The following PCDH15 variants were observed in gnomAD, a reference collection of about 807,000 sequenced individuals.
PCDH15 encodes protocadherin related 15.
In PCDH15, 129 loss-of-function variants were observed where a neutral mutation model predicts 178.5. The ratio of observed to expected loss-of-function variants is 0.72; its 90% CI spans 0.63 to 0.84. The LOEUF (loss-of-function observed/expected upper bound fraction) is 0.84, where lower values mean the gene tolerates loss of function less well. Ranked by LOEUF, PCDH15 falls within the 40% of genes least tolerant of loss-of-function variation. The pLI is 0.00. For missense variants in PCDH15, 2,230 were observed against 2,099.9 expected, an observed-to-expected ratio of 1.06 and a Z score of -1.21; for synonymous variants, 800 against 732.0, an observed-to-expected ratio of 1.09 and a Z score of -1.50.
At chr10:54,835,667 C>T (rs950899992) in intron 3 of PCDH15, among the ~76,000 whole-genome samples, 1 of 152,026 alleles carries the variant, frequency 6.6e-6, no homozygotes. Flanking sequence ...TCACATAGCT[C>T]CTGTCCAATT....
intron 26 of PCDH15, 145 bp downstream of exon 26, chr10:53,903,098 A>T: frequency 1.2e-6 from 1 of 819,292 alleles, no homozygotes; most frequent in Non-Finnish European, 1.9e-6. Context: ...TATTGAGTTT[A>T]GATAACTAAA....
At chr10:54,778,380 C>A (rs992294338) in intron 1 of PCDH15, among the ~76,000 whole-genome samples, 3 of 152,086 alleles carry the variant, frequency 2.0e-5, no homozygotes, top group African/African-American at 7.2e-5. Context: ...TTCACACAAT[C>A]CATCAATAGT....
chr10:55,167,942 A>T (rs1040599641), intron 1 of PCDH15, among the ~76,000 whole-genome samples: 8 of 152,296 alleles, frequency 5.3e-5, no homozygotes, highest in Admixed American at 4.6e-4. Context: ...TTAAAATTTT[A>T]AAATACTTTC....
chr10:55,280,362 T>C (rs1336314518), intron 1 of PCDH15, among the ~76,000 whole-genome samples: 3 of 132,116 alleles, frequency 2.3e-5, no homozygotes, highest in African/African-American at 8.6e-5. Flanking sequence ...CACTGCAACC[T>C]CCGCCTCCCG....
chr10:53,850,266 A>G (rs2078272358), intron 28 of PCDH15, among the ~76,000 whole-genome samples: 1 of 152,180 alleles, frequency 6.6e-6, no homozygotes, highest in South Asian at 2.1e-4. Flanking sequence ...TGCTTTTTCT[A>G]CATTTCAAAG....
chr10:54,136,583 A>G (rs1199081649), intron 14 of PCDH15, among the ~76,000 whole-genome samples: 2 of 152,164 alleles, frequency 1.3e-5, no homozygotes, highest in African/African-American at 2.4e-5. Flanking sequence ...TACACTTATT[A>G]TACTTTTTGT....
At chr10:54,721,586 A>G (rs1941617150) in intron 1 of PCDH15, among the ~76,000 whole-genome samples, 2 of 151,804 alleles carry the variant, frequency 1.3e-5, no homozygotes, top group Non-Finnish European at 3.0e-5. Flanking sequence ...AGAGACTACT[A>G]TGAACACCTT....
At chr10:54,198,723 G>C (rs1044794174) in intron 10 of PCDH15, among the ~76,000 whole-genome samples, 1 of 94,904 alleles carries the variant, frequency 1.1e-5, no homozygotes, top group African/African-American at 8.8e-5. Flanking sequence ...GGATGGTCTC[G>C]ATCTCCTGAC....
At chr10:54,272,124 T>C (rs941413469) in intron 8 of PCDH15, among the ~76,000 whole-genome samples, 1 of 148,028 alleles carries the variant, frequency 6.8e-6, no homozygotes, top group Non-Finnish European at 1.5e-5. Context: ...GGGTATAAAT[T>C]CACCTAGTAT....
intron 3 of PCDH15, among the ~76,000 whole-genome samples, chr10:54,851,690 C>T (rs1196584356): frequency 6.6e-6 from 1 of 152,064 alleles, no homozygotes. Context: ...TGCATCCTGA[C>T]TTCAAGCAAT....
Position 54,209,839 on chromosome 10 carries a change from A to T in PCDH15, c.1098+4097T>A, listed in dbSNP as rs140136309. Among the ~76,000 whole-genome samples, 924 of 152,200 alleles carry T rather than the reference A, an allele frequency of 6.1e-3. 9 individuals are homozygous for T. The highest frequency in any genetic ancestry group is 0.018 in the African/African-American group (760 of 41,560). On this transcript the variant is annotated intron_variant, in intron 10 of 37. Coordinates refer to ENST00000644397, the MANE Select transcript of PCDH15 (RefSeq NM_001384140.1). The stretch of plus-strand genomic sequence containing the variant: ...TTAAATTTCTATGAAGTAAAATATG[A>T]TTTTTATCATTACTCAAATAGTGAC...
At chr10:54,190,414 A>C (rs2048884019) in intron 11 of PCDH15, among the ~76,000 whole-genome samples, 1 of 152,070 alleles carries the variant, frequency 6.6e-6, no homozygotes, top group South Asian at 2.1e-4. Flanking sequence ...ATTTTGTTTC[A>C]TTTTGTTGAA....
intron 2 of PCDH15, among the ~76,000 whole-genome samples, chr10:54,960,748 A>T (rs916916423): frequency 7.9e-5 from 12 of 152,210 alleles, no homozygotes; most frequent in Non-Finnish European, 1.5e-4. Context: ...GCTTTTTTAT[A>T]AGCTTTGCTC....
intron 2 of PCDH15, among the ~76,000 whole-genome samples, chr10:55,623,438 G>C (rs558831919): frequency 6.6e-6 from 1 of 152,124 alleles, no homozygotes; most frequent in African/African-American, 2.4e-5. Context: ...ATCCTGTTAA[G>C]GAATCCATTA....
chr10:53,844,915 C>A (rs928969849), intron 28 of PCDH15, among the ~76,000 whole-genome samples: 1 of 151,646 alleles, frequency 6.6e-6, no homozygotes, highest in Admixed American at 6.6e-5. Flanking sequence ...TTTTACACAG[C>A]AAATGAAACA....
chr10:55,333,165 C>T (rs1222600792), intron 2 of PCDH15, among the ~76,000 whole-genome samples: 1 of 152,122 alleles, frequency 6.6e-6, no homozygotes, highest in Non-Finnish European at 1.5e-5. Flanking sequence ...ATAACTTTAA[C>T]ATCATAATAA....
intron 3 of PCDH15, among the ~76,000 whole-genome samples, chr10:54,468,254 G>T (rs929752738): frequency 6.6e-6 from 1 of 151,586 alleles, no homozygotes; most frequent in Non-Finnish European, 1.5e-5. Flanking sequence ...TCATTAGATT[G>T]TTTATTTGAA....
At chr10:55,025,482 A>G (rs950387886) in intron 2 of PCDH15, among the ~76,000 whole-genome samples, 7 of 152,100 alleles carry the variant, frequency 4.6e-5, no homozygotes, top group Non-Finnish European at 8.8e-5. Flanking sequence ...CCATTCTTTA[A>G]AACCATATGA....
chr10:54,288,040 A>G (rs1422868824), intron 8 of PCDH15, among the ~76,000 whole-genome samples: 1 of 152,032 alleles, frequency 6.6e-6, no homozygotes, highest in Non-Finnish European at 1.5e-5. Context: ...GAGAGAGAGA[A>G]AGGCCAGGTG....
Sources: gnomAD v4.1 joint callset for allele counts (sites outside exome capture counted in the v4.1 genomes callset) on GRCh38, gnomAD v4.1.1 for gene constraint, MANE v1.5 for transcripts, NCBI Gene and HGNC (gene_info 2026-07-23, HGNC 2026-07-21) for gene names.